The following CADM2 variants were observed in gnomAD, a reference collection of about 807,000 sequenced individuals.
CADM2 encodes the protein cell adhesion molecule 2, also known as immunoglobulin superfamily member 4D.
Under a neutral mutation model 49.8 loss-of-function variants are expected in CADM2, and 12 were observed. That is an observed-to-expected ratio of 0.24 (90% CI 0.15 to 0.39). CADM2 has a LOEUF of 0.39. CADM2 is among the 10% of genes least tolerant of loss of function. CADM2 has a pLI of 1.00. For synonymous variants in CADM2, 214 were observed against 175.4 expected (o/e 1.22, Z -1.74); for missense variants, 378 against 492.3 (o/e 0.77, Z 2.20).
intron 1 of CADM2, among the ~76,000 whole-genome samples, chr3:85,347,894 G>A (rs376127047): frequency 4.6e-5 from 7 of 151,008 alleles, no homozygotes; most frequent in East Asian, 3.9e-4. Flanking sequence ...TGCAAGCTCC[G>A]CCTCCTAGGT....
intron 1 of CADM2, among the ~76,000 whole-genome samples, chr3:85,281,099 A>G (rs1018444556): frequency 2.0e-5 from 3 of 151,938 alleles, no homozygotes; most frequent in African/African-American, 7.2e-5. Context: ...GTATGTAAAG[A>G]CTACACAAAA....
chr3:85,811,349 C>G (rs2072865699), intron 3 of CADM2, among the ~76,000 whole-genome samples: 1 of 152,158 alleles, frequency 6.6e-6, no homozygotes, highest in African/African-American at 2.4e-5. Flanking sequence ...TAAAACCCTA[C>G]TAAAAGAAAA....
chr3:85,546,975 G>T (rs931360725), intron 1 of CADM2, among the ~76,000 whole-genome samples: 4 of 151,484 alleles, frequency 2.6e-5, no homozygotes, highest in African/African-American at 9.7e-5. Context: ...TATTTTGTAA[G>T]CTTTTTATGG....
At chr3:86,056,152 T>G (rs2107358516) in intron 8 of CADM2, among the ~76,000 whole-genome samples, 1 of 152,340 alleles carries the variant, frequency 6.6e-6, no homozygotes, top group East Asian at 1.9e-4. Flanking sequence ...TGGAAAGTTC[T>G]CTCACTTTAT....
At chr3:85,056,442 A>G (rs1270075271) in intron 1 of CADM2, among the ~76,000 whole-genome samples, 1 of 152,100 alleles carries the variant, frequency 6.6e-6, no homozygotes, top group Non-Finnish European at 1.5e-5. Context: ...TTTAAGGGTA[A>G]TAGTCACAAT....
chr3:85,837,418 A>G (rs56865015), intron 3 of CADM2, among the ~76,000 whole-genome samples: 2 of 150,652 alleles, frequency 1.3e-5, no homozygotes, highest in African/African-American at 4.9e-5. Context: ...AATTAGGGGG[A>G]AAAAAACAGT....
chr3:85,886,546 G>T (rs1305601301), intron 5 of CADM2, among the ~76,000 whole-genome samples: 5 of 151,820 alleles, frequency 3.3e-5, no homozygotes, highest in Admixed American at 3.3e-4. Context: ...CCGTAAAATA[G>T]GTTTAAAATA....
intron 7 of CADM2, among the ~76,000 whole-genome samples, chr3:85,945,713 T>C (rs1336071271): frequency 6.6e-6 from 1 of 152,012 alleles, no homozygotes; most frequent in Non-Finnish European, 1.5e-5. Flanking sequence ...AAAAGGCCTT[T>C]GATAAAATTC....
At chr3:85,053,260 A>G (rs2035953463) in intron 1 of CADM2, among the ~76,000 whole-genome samples, 1 of 152,046 alleles carries the variant, frequency 6.6e-6, no homozygotes, top group African/African-American at 2.4e-5. Context: ...AGTAATGGGA[A>G]CTTTGGATGA....
chr3:86,013,550 G>A (rs902928883), intron 8 of CADM2: 47 of 1,604,402 alleles, frequency 2.9e-5, no homozygotes, highest in Non-Finnish European at 3.6e-5. Flanking sequence ...AGCAGAGGCA[G>A]ATGGTAGAGA....
At chr3:85,447,018 A>G (rs1576571932) in intron 1 of CADM2, among the ~76,000 whole-genome samples, 1 of 140,256 alleles carries the variant, frequency 7.1e-6, no homozygotes, top group African/African-American at 2.7e-5. Flanking sequence ...ATATATATAT[A>G]TATATATATA....
rs889027373 is a variant in CADM2 at position 85,726,522 on chromosome 3, C to T, written c.62C>T (p.Ala21Val). The T allele has an allele frequency of 1.7e-5, 28 of 1,612,038 alleles. No homozygotes were observed. Among genetic ancestry groups the T allele is most frequent in the African/African-American group, 4.0e-5 (3 of 74,838 alleles). ...FYSVCGLLLQ[A>V]AASKNKVKGS... is the part of the protein sequence containing the mutation. Reference sequence around the variant, plus strand: ...TTGTGCAACCTTTCCTTGGTACCAGCGGCTGCTTCAAAGAATAAAGTTAAA... The same window carrying T: ...TTGTGCAACCTTTCCTTGGTACCAGTGGCTGCTTCAAAGAATAAAGTTAAA... Residue 21 changes from alanine (A) to valine (V), a missense_variant and splice_region_variant, in exon 2 of 10, where the codon GCG becomes GTG. Transcript: ENST00000383699.
chr3:85,389,247 G>T (rs1251255240), intron 1 of CADM2, among the ~76,000 whole-genome samples: 1 of 152,186 alleles, frequency 6.6e-6, no homozygotes, highest in East Asian at 1.9e-4. Flanking sequence ...AAATCAAAAG[G>T]AAGTAAAAGG....
intron 1 of CADM2, among the ~76,000 whole-genome samples, chr3:85,037,909 T>C (rs2035286067): frequency 6.6e-6 from 1 of 151,992 alleles, no homozygotes; most frequent in East Asian, 1.9e-4. Context: ...CTCCATTTCA[T>C]CCCATTTTTT....
chr3:85,359,352 A>G (rs2032137150), intron 1 of CADM2, among the ~76,000 whole-genome samples: 1 of 151,918 alleles, frequency 6.6e-6, no homozygotes, highest in Non-Finnish European at 1.5e-5. Flanking sequence ...AAGATTATCA[A>G]GAAATACTCT....
chr3:85,499,427 A>G (rs1377573346), intron 1 of CADM2, among the ~76,000 whole-genome samples: 1 of 152,088 alleles, frequency 6.6e-6, no homozygotes, highest in African/African-American at 2.4e-5. Context: ...TGTCTCAATT[A>G]TAAACTCTGA....
intron 1 of CADM2, among the ~76,000 whole-genome samples, chr3:85,717,350 C>A (rs1415183655): frequency 6.6e-6 from 1 of 152,100 alleles, no homozygotes; most frequent in Non-Finnish European, 1.5e-5. Context: ...GATTTTGTAT[C>A]CTGAGACTGC....
intron 1 of CADM2, among the ~76,000 whole-genome samples, chr3:84,962,460 G>C (rs888495644): frequency 2.6e-5 from 4 of 152,036 alleles, no homozygotes; most frequent in Non-Finnish European, 5.9e-5. Flanking sequence ...TGAGAACATT[G>C]TTTCGGGGTT....
intron 1 of CADM2, among the ~76,000 whole-genome samples, chr3:85,222,047 A>C (rs890900352): frequency 2.0e-5 from 3 of 152,234 alleles, no homozygotes; most frequent in African/African-American, 7.2e-5. Context: ...GAAGAATAAT[A>C]GTCCATGAGA....
Sources: allele counts gnomAD v4.1 joint callset (sites outside exome capture counted in the v4.1 genomes callset), GRCh38; gene constraint gnomAD v4.1.1; transcripts MANE v1.5; gene names NCBI Gene and HGNC (gene_info 2026-07-23, HGNC 2026-07-21).